The following VPS13C variants were observed in gnomAD, a reference collection of about 807,000 sequenced individuals.
The protein encoded by VPS13C is intermembrane lipid transfer protein VPS13C.
Under a neutral mutation model 456.8 loss-of-function variants are expected in VPS13C, and 358 were observed. The ratio of observed to expected loss-of-function variants is 0.78; its 90% CI spans 0.72 to 0.86. The LOEUF (loss-of-function observed/expected upper bound fraction) is 0.86, where lower values mean the gene tolerates loss of function less well. VPS13C is among the 40% of genes least tolerant of loss of function. VPS13C has a pLI of 0.00. For missense variants in VPS13C, 4,818 were observed against 4,385.4 expected, an observed-to-expected ratio of 1.10 and a Z score of -2.79; for synonymous variants, 1,578 against 1,486.7, an observed-to-expected ratio of 1.06 and a Z score of -1.41.
At position 61,964,629 on chromosome 15, in the gene VPS13C, T is replaced by C; in HGVS notation, c.3214+70A>G. 4 of 1,411,240 alleles carry C rather than the reference T, an allele frequency of 2.8e-6. No homozygotes were observed. The South Asian group carries it at 4.2e-5, about 15-fold the overall frequency. 87.4% of individuals were successfully genotyped at this position (1,411,240 alleles called of 1,614,324 possible). ...TTAAATGACTGAGTCAGATAGTCTCTAGTATTCCTCATTTAGCTTTAGAAT... is the reference window on the plus strand; with the variant it reads ...TTAAATGACTGAGTCAGATAGTCTCCAGTATTCCTCATTTAGCTTTAGAAT... On this transcript the variant is annotated intron_variant, in intron 31 of 84. Transcript: ENST00000644861.
chr15:62,048,342 G>A (rs2048498211), intron 1 of VPS13C, among the ~76,000 whole-genome samples: 1 of 142,770 alleles, frequency 7.0e-6, no homozygotes, highest in Non-Finnish European at 1.5e-5. Context: ...CTATGAGTGA[G>A]AACATGTGGT....
rs1367801680 is a variant in VPS13C, at chr15:61,858,315, CAACT to C, written c.10953-1910_10953-1907del. Among the ~76,000 whole-genome samples the C allele has an allele frequency of 2.3e-5, 3 of 132,524 alleles. No individual in the cohort carries two copies. Among genetic ancestry groups the C allele is most frequent in the African/African-American group, 8.4e-5 (3 of 35,690 alleles). The allele number at this position is 132,524 out of a possible 152,430, so 86.9% of individuals were successfully genotyped here. Reference sequence around the variant, plus strand: ...CAACTCGAGATTTTTATCCAAACTCCAACTATCTATCTATCTATCTATCTATCTA... The same window carrying C: ...CAACTCGAGATTTTTATCCAAACTCCATCTATCTATCTATCTATCTATCTA... On this transcript the variant is annotated intron_variant, in intron 82 of 84. Coordinates refer to ENST00000644861, the MANE Select transcript of VPS13C (RefSeq NM_020821.3). The surrounding 1 kb of genome is among the most constrained non-coding windows in gnomAD (Gnocchi z 4.4).
intron 66 of VPS13C, among the ~76,000 whole-genome samples, chr15:61,905,363 T>C (rs560599813): frequency 2.6e-4 from 40 of 152,318 alleles, no homozygotes; most frequent in African/African-American, 9.1e-4. Flanking sequence ...TAATTTTCTG[T>C]TAGCTTGGCT....
intron 61 of VPS13C, among the ~76,000 whole-genome samples, chr15:61,914,923 C>CTAATAATG (rs1406968581): frequency 7.4e-4 from 96 of 130,132 alleles, no homozygotes; most frequent in African/African-American, 2.5e-3. Flanking sequence ...TTAGGTGTTT[C>CTAATAATG]TAATAATGTA....
chr15:61,899,370 GA>G (rs1325211852), intron 66 of VPS13C, among the ~76,000 whole-genome samples: 4 of 147,108 alleles, frequency 2.7e-5, no homozygotes, highest in African/African-American at 1.0e-4. Flanking sequence ...GACTAATAAA[GA>G]AAAAAAGAGA....
intron 66 of VPS13C, among the ~76,000 whole-genome samples, chr15:61,894,947 C>G (rs1397303384): frequency 6.6e-6 from 1 of 152,166 alleles, no homozygotes; most frequent in African/African-American, 2.4e-5. Flanking sequence ...TTCTTCTCAT[C>G]TGCACATGGC....
At chr15:61,974,847 G>A (rs2045657178) in intron 24 of VPS13C, among the ~76,000 whole-genome samples, 2 of 152,132 alleles carry the variant, frequency 1.3e-5, no homozygotes, top group African/African-American at 4.8e-5. Flanking sequence ...ATTTGTTTAT[G>A]TCTCCTCTGA....
chr15:61,890,063 TACCA>T lies in VPS13C; in HGVS notation c.9341+98_9341+101del, dbSNP rs780621396. ...AGCTTTACTGAATAAATATACAGCA[TACCA>T]AAGTCAAACCAGGTATCTTTTTACT... On this transcript the variant is annotated intron_variant, in intron 67 of 84. Transcript: ENST00000644861. 1.8e-4 allele frequency: 189 copies of T among 1,058,516 alleles called. 1 individual carries two copies. Among genetic ancestry groups the T allele is most frequent in the Non-Finnish European group, 2.5e-4 (181 of 729,002 alleles). The allele number at this position is 1,058,516 out of a possible 1,614,324, so 65.6% of individuals were successfully genotyped here.
At position 61,909,129 on chromosome 15, in the gene VPS13C, T is replaced by A. The variant is rs781218194; in HGVS notation, c.8845-4A>T. 6 of 1,586,994 alleles carry A rather than the reference T, an allele frequency of 3.8e-6. No homozygotes were observed. The highest frequency in any genetic ancestry group is 5.1e-6 in the Non-Finnish European group (6 of 1,167,070). On this transcript the variant is annotated splice_region_variant and splice_polypyrimidine_tract_variant and intron_variant, in intron 64 of 84. Coordinates refer to ENST00000644861, the MANE Select transcript of VPS13C (RefSeq NM_020821.3). The stretch of plus-strand genomic sequence containing the variant: ...CATCCACCAAGATACCCCCATTCTA[T>A]TGTAGAAAAAAAAAAAGTATGTTTG...
chr15:62,009,299 C>G (rs11632560), intron 13 of VPS13C, among the ~76,000 whole-genome samples: 1 of 151,664 alleles, frequency 6.6e-6, no homozygotes, highest in East Asian at 1.9e-4. Flanking sequence ...CTGTGTAGAT[C>G]TGACAAAACA....
chr15:61,862,183 G>A (rs1405125150), intron 82 of VPS13C, among the ~76,000 whole-genome samples: 1 of 151,308 alleles, frequency 6.6e-6, no homozygotes, highest in Middle Eastern at 3.5e-3. Context: ...GGAAAGGAAA[G>A]GGAAAAGGAA....
chr15:61,870,274 T>C (rs1158855507), intron 79 of VPS13C, among the ~76,000 whole-genome samples: 1 of 152,042 alleles, frequency 6.6e-6, no homozygotes, highest in African/African-American at 2.4e-5. Context: ...TGTACCTCCA[T>C]TCCTCCCTGC....
chr15:61,928,711 G>A (rs1316744038), intron 51 of VPS13C, among the ~76,000 whole-genome samples: 1 of 151,878 alleles, frequency 6.6e-6, no homozygotes, highest in African/African-American at 2.4e-5. Context: ...GAAGCCCCAT[G>A]TTTACCGAAA....
intron 49 of VPS13C, 29 bp from the exon 50 acceptor site, chr15:61,931,288 C>A (rs1596346713): frequency 6.3e-7 from 1 of 1,584,098 alleles, no homozygotes; most frequent in South Asian, 1.2e-5. Context: ...GCAAAAGAAT[C>A]AATTACCTTT....
chr15:61,996,189 G>A (rs560654669), intron 16 of VPS13C, among the ~76,000 whole-genome samples: 7 of 152,224 alleles, frequency 4.6e-5, no homozygotes, highest in African/African-American at 1.7e-4. Flanking sequence ...AAGTAGCAAA[G>A]GTCTTAGCCA....
In VPS13C at chr15:61,880,873, TG is replaced by T; in HGVS notation, c.9857del (p.Pro3286GlnfsTer14). 1 of 1,605,666 alleles carries T rather than the reference TG, an allele frequency of 6.2e-7. No individual in the cohort carries two copies. The highest frequency in any genetic ancestry group is 8.5e-7 in the Non-Finnish European group (1 of 1,177,366). On this transcript the variant is annotated frameshift_variant, in exon 72 of 85. Transcript: ENST00000644861. LOFTEE classifies it high-confidence loss of function. Reference sequence around the variant, plus strand: ...TTCTTTCAGCTTCAGGGTCTGTTGTTGGGGTAAACAGTGCAATAATAGCTCC... The same window carrying T: ...TTCTTTCAGCTTCAGGGTCTGTTGTTGGGTAAACAGTGCAATAATAGCTCC... Reference protein sequence around the residue: ...FLGAIIALFTPTTDPEAERRR... With the variant: ...FLGAIIALFTXTTDPEAERRR...
At position 61,920,156 on chromosome 15, in the gene VPS13C, T is replaced by G. The variant is rs763821573; in HGVS notation, c.7388A>C (p.Glu2463Ala). 6.2e-7 allele frequency: 1 copy of G among 1,613,630 alleles called. No individual in the cohort carries two copies. Among genetic ancestry groups the G allele is most frequent in the Non-Finnish European group, 8.5e-7 (1 of 1,179,680 alleles). The part of the protein sequence containing the change: ...IFDVDAGQNL[E>A]LEYASMVPSS... ...AGGTACCATGCTGGCATACTCCAGT[T>G]CCAAATTCTGGCCAGCATCAACATC... The change falls in exon 57 of 85, where the codon GAA becomes GCA. Residue 2463 changes from glutamate to alanine, a missense_variant. Physicochemically the swap from Glu to Ala is moderately radical, Grantham distance 107. Transcript: ENST00000644861.
intron 16 of VPS13C, among the ~76,000 whole-genome samples, chr15:61,992,384 T>C (rs1039994684): frequency 6.6e-6 from 1 of 152,130 alleles, no homozygotes; most frequent in Admixed American, 6.5e-5. Flanking sequence ...AAAGGCAGAA[T>C]ACAGGGATAA....
At chr15:61,864,946 T>G in intron 81 of VPS13C, 1 of 980,112 alleles carries the variant, frequency 1.0e-6, no homozygotes, top group Non-Finnish European at 1.2e-6. Flanking sequence ...CTTTCTATCT[T>G]GTATGTATTT....
Sources: gnomAD v4.1 joint callset for allele counts (sites outside exome capture counted in the v4.1 genomes callset) on GRCh38, gnomAD v4.1.1 for gene constraint, Gnocchi (gnomAD v3.1) non-coding constraint, MANE v1.5 for transcripts, NCBI Gene and HGNC (gene_info 2026-07-23, HGNC 2026-07-21) for gene names.